PARP9: variants seen among roughly 807,000 people sequenced by gnomAD.
PARP9 encodes poly(ADP-ribose) polymerase family member 9, also known as protein mono-ADP-ribosyltransferase PARP9.
In PARP9, 48 loss-of-function variants were observed where a neutral mutation model predicts 68.8. The observed-to-expected ratio is 0.70, with a 90% CI of 0.55 to 0.89. The LOEUF (loss-of-function observed/expected upper bound fraction) is 0.89, where lower values mean the gene tolerates loss of function less well. Ranked by LOEUF, PARP9 falls within the 40% of genes least tolerant of loss-of-function variation. The pLI, the probability that PARP9 is intolerant of heterozygous loss-of-function variation, is 0.00. For missense variants in PARP9, 806 were observed against 969.3 expected (o/e 0.83, Z 2.24); for synonymous variants, 309 against 333.8 (o/e 0.93, Z 0.81).
intron 10 of PARP9, among the ~76,000 whole-genome samples, chr3:122,529,566 C>T (rs2077156610): frequency 6.6e-6 from 1 of 151,186 alleles, no homozygotes; most frequent in African/African-American, 2.4e-5. Flanking sequence ...CTGGCTAACA[C>T]GGTGAAACCC....
At chr3:122,562,337 C>T (rs555634975) in intron 1 of PARP9, among the ~76,000 whole-genome samples, 8 of 150,658 alleles carry the variant, frequency 5.3e-5, no homozygotes, top group African/African-American at 1.9e-4. Context: ...CGCCCACCAC[C>T]ACGCCTGGCT....
chr3:122,545,083 A>G (rs1244684269), intron 7 of PARP9, among the ~76,000 whole-genome samples: 1 of 152,208 alleles, frequency 6.6e-6, no homozygotes, highest in Non-Finnish European at 1.5e-5. Flanking sequence ...TAATTACAAT[A>G]AGTAACCCTA....
At chr3:122,552,968 A>C (rs2079335853) in intron 4 of PARP9, among the ~76,000 whole-genome samples, 1 of 152,162 alleles carries the variant, frequency 6.6e-6, no homozygotes, top group Non-Finnish European at 1.5e-5. Context: ...AGTTCTGTCG[A>C]TAAATGGTTT....
In PARP9 at chr3:122,528,694, C is replaced by A; in HGVS notation, c.2130G>T (p.Leu710=). 6.2e-7 allele frequency: 1 copy of A among 1,613,560 alleles called. No individual in the cohort carries two copies. The highest frequency in any genetic ancestry group is 8.5e-7 in the Non-Finnish European group (1 of 1,179,736). Residue 710 remains leucine, a synonymous_variant, in exon 11 of 11, where the codon CTG becomes CTT. Coordinates refer to ENST00000682323, the MANE Select transcript of PARP9 (RefSeq NM_001146105.2). ...GIYFTKNLKN[L]AEKAKKISAA... ...CAGAGATTTTCTTGGCCTTCTCTGC[C>A]AGGTTTTTGAGGTTCTTGGTGAAGT...
chr3:122,560,983 T>G (rs1393379341), intron 1 of PARP9, among the ~76,000 whole-genome samples: 1 of 152,210 alleles, frequency 6.6e-6, no homozygotes, highest in Non-Finnish European at 1.5e-5. Flanking sequence ...GCCCTAAGCA[T>G]TCCATTTCTT....
At chr3:122,563,900 T>C (rs911565919) in intron 1 of PARP9, among the ~76,000 whole-genome samples, 2 of 151,848 alleles carry the variant, frequency 1.3e-5, no homozygotes, top group Non-Finnish European at 2.9e-5. Context: ...AATCAAGCAA[T>C]GGAGGAGAAA....
intron 4 of PARP9, among the ~76,000 whole-genome samples, chr3:122,552,867 G>A (rs995606788): frequency 6.6e-6 from 1 of 152,088 alleles, no homozygotes; most frequent in Admixed American, 6.5e-5. Context: ...ATGTACGGAT[G>A]ATATAATTTT....
intron 10 of PARP9, among the ~76,000 whole-genome samples, chr3:122,530,342 G>T (rs1044239494): frequency 1.3e-5 from 2 of 152,224 alleles, no homozygotes; most frequent in Middle Eastern, 3.4e-3. Flanking sequence ...ACTCTCCATG[G>T]GTTGGCACAA....
chr3:122,544,268 C>T (rs2078510293), intron 7 of PARP9, among the ~76,000 whole-genome samples: 1 of 152,122 alleles, frequency 6.6e-6, no homozygotes, highest in African/African-American at 2.4e-5. Flanking sequence ...AAAAGGAATC[C>T]CTTTCTCCCC....
intron 1 of PARP9, among the ~76,000 whole-genome samples, chr3:122,562,180 TTTC>T (rs1459389486): frequency 7.4e-5 from 11 of 149,264 alleles, no homozygotes; most frequent in Admixed American, 1.3e-4. Context: ...TTTCTTTTCT[TTTC>T]TTTTCTTTTC....
chr3:122,534,556 T>C, intron 10 of PARP9: 1 of 599,718 alleles, frequency 1.7e-6, no homozygotes, highest in Non-Finnish European at 2.1e-6. Flanking sequence ...ATGAGTATGT[T>C]GGGGGCAGTA....
intron 3 of PARP9, among the ~76,000 whole-genome samples, chr3:122,556,951 G>T (rs190530840): frequency 6.6e-6 from 1 of 152,242 alleles, no homozygotes; most frequent in East Asian, 1.9e-4. Flanking sequence ...TGAGTAGCCA[G>T]GGCTACAGGC....
At chr3:122,560,568 A>G (rs2080115577) in intron 1 of PARP9, among the ~76,000 whole-genome samples, 8 of 152,020 alleles carry the variant, frequency 5.3e-5, no homozygotes, top group Admixed American at 5.2e-4. Flanking sequence ...TTGTATTTTT[A>G]GTAGAGATGA....
chr3:122,555,177 A>T, intron 4 of PARP9, 109 bp downstream of exon 4: 1 of 1,129,740 alleles, frequency 8.9e-7, no homozygotes, highest in Non-Finnish European at 1.3e-6. Context: ...TCATATTCTT[A>T]ATCCAAACAA....
intron 10 of PARP9, chr3:122,535,801 G>A (rs564887117): frequency 3.8e-6 from 4 of 1,053,282 alleles, no homozygotes; most frequent in Admixed American, 5.4e-5. Flanking sequence ...GGATGAGGAC[G>A]GTTCAGTGCT....
At chr3:122,564,357 G>A, upstream of PARP9, 5 of 1,500,604 alleles carry the variant, frequency 3.3e-6, no homozygotes, top group Non-Finnish European at 4.5e-6. Context: ...CGCCCAGTCC[G>A]CAGGGCGGGC....
upstream of PARP9, chr3:122,564,592 G>T (rs779031509): frequency 1.5e-5 from 24 of 1,599,186 alleles, no homozygotes; most frequent in African/African-American, 3.3e-4. Flanking sequence ...CACCTTCCGG[G>T]TGGAGTTCAG....
At position 122,528,678 on chromosome 3, in the gene PARP9, T is replaced by G. The variant is rs1392181610; in HGVS notation, c.2146A>C (p.Lys716Gln). The G allele has an allele frequency of 8.1e-6, 13 of 1,614,028 alleles. No homozygotes were observed. The highest frequency in any genetic ancestry group is 8.5e-6 in the Non-Finnish European group (10 of 1,179,982). Residue 716 changes from lysine to glutamine, a missense_variant, in exon 11 of 11, where the codon AAA becomes CAA. Lys to Gln is a moderately conservative substitution (Grantham distance 53). This residue lies in a region of PARP9 where 680 missense variants were observed against 858.8 expected (regional missense o/e 0.79). Transcript: ENST00000682323. Reference protein sequence around the residue: ...NLKNLAEKAKKISAADKLIYV... With the variant: ...NLKNLAEKAKQISAADKLIYV... ...ATCAGCTTATCTGCAGCAGAGATTT[T>G]CTTGGCCTTCTCTGCCAGGTTTTTG...
intron 9 of PARP9, chr3:122,536,557 T>C: frequency 1.1e-6 from 1 of 897,178 alleles, no homozygotes; most frequent in Non-Finnish European, 1.6e-6. Flanking sequence ...CTCTAATAAA[T>C]TCCTTTAACA....
Sources: gnomAD v4.1 joint callset for allele counts (sites outside exome capture counted in the v4.1 genomes callset) on GRCh38, gnomAD v4.1.1 for gene constraint, gnomAD v4.1.1 regional missense constraint, MANE v1.5 for transcripts, NCBI Gene and HGNC (gene_info 2026-07-23, HGNC 2026-07-21) for gene names.